The following SLC25A21 variants were observed in gnomAD, a reference collection of about 807,000 sequenced individuals.
The protein encoded by SLC25A21 is mitochondrial 2-oxodicarboxylate carrier.
In SLC25A21, 47 loss-of-function variants were observed where a neutral mutation model predicts 43.8. That is an observed-to-expected ratio of 1.07 (90% CI 0.85 to 1.37). SLC25A21 has a LOEUF of 1.37. Among genes scored for constraint, SLC25A21 ranks in the 40% most tolerant of loss-of-function variants. SLC25A21 has a pLI of 0.00. For missense variants in SLC25A21, 352 were observed against 350.2 expected (o/e 1.00, Z -0.04); for synonymous variants, 131 against 121.3 (o/e 1.08, Z -0.52).
intron 1 of SLC25A21, among the ~76,000 whole-genome samples, chr14:36,886,942 T>C (rs962044639): frequency 7.9e-5 from 12 of 152,178 alleles, no homozygotes; most frequent in African/African-American, 2.7e-4. Flanking sequence ...AGCTTACTGC[T>C]ATATGTGGGC....
intron 1 of SLC25A21, among the ~76,000 whole-genome samples, chr14:37,120,013 A>G (rs186870682): frequency 2.0e-5 from 3 of 152,312 alleles, no homozygotes; most frequent in Admixed American, 6.5e-5. Flanking sequence ...ATTTCTGTGA[A>G]TCTATCAAAA....
At chr14:36,892,763 T>A (rs572453302) in intron 1 of SLC25A21, among the ~76,000 whole-genome samples, 4 of 151,954 alleles carry the variant, frequency 2.6e-5, no homozygotes, top group Non-Finnish European at 5.9e-5. Flanking sequence ...GTGTTCTCAA[T>A]GTTCAATTCC....
chr14:36,727,037 G>T (rs1477473440), intron 5 of SLC25A21, among the ~76,000 whole-genome samples: 1 of 152,176 alleles, frequency 6.6e-6, no homozygotes, highest in East Asian at 1.9e-4. Context: ...AGCACTTACT[G>T]GCTGTGTGAC....
At chr14:37,134,353 G>C (rs1031570740) in intron 1 of SLC25A21, among the ~76,000 whole-genome samples, 8 of 152,148 alleles carry the variant, frequency 5.3e-5, no homozygotes, top group Non-Finnish European at 1.5e-5. Context: ...AAAATTAAGA[G>C]AGCCTCTAAG....
At chr14:36,685,387 C>A (rs927602105) in intron 7 of SLC25A21, among the ~76,000 whole-genome samples, 1 of 152,184 alleles carries the variant, frequency 6.6e-6, no homozygotes, top group Non-Finnish European at 1.5e-5. Context: ...CAAGGCTACT[C>A]GCGGTCTGCT....
intron 1 of SLC25A21, among the ~76,000 whole-genome samples, chr14:36,951,591 G>C (rs1343066682): frequency 6.6e-6 from 1 of 150,870 alleles, no homozygotes; most frequent in Admixed American, 6.6e-5. Flanking sequence ...TGCAAGGTAT[G>C]CATTTTTTTT....
At chr14:36,748,075 A>G (rs1211053716) in intron 3 of SLC25A21, among the ~76,000 whole-genome samples, 2 of 152,236 alleles carry the variant, frequency 1.3e-5, no homozygotes, top group Admixed American at 1.3e-4. Flanking sequence ...CAACTTTCCT[A>G]GTAGTGAAAC....
chr14:36,730,208 G>T (rs923107425), intron 4 of SLC25A21, among the ~76,000 whole-genome samples: 1 of 152,192 alleles, frequency 6.6e-6, no homozygotes, highest in African/African-American at 2.4e-5. Context: ...TGAAGGTATT[G>T]TTGGTTTCTT....
At position 36,678,486 on chromosome 14, in the gene SLC25A21, T is replaced by G; in HGVS notation, c.*2172A>C. On this transcript the variant is annotated 3_prime_UTR_variant, in exon 10 of 10. Coordinates refer to ENST00000331299, the MANE Select transcript of SLC25A21 (RefSeq NM_030631.4). ...CCATTGACATCTGGAGTTCCCAGTC[T>G]GGTGAGAAAATAGACTATAAACTGA... The G allele has an allele frequency of 1.3e-6, 2 of 1,536,942 alleles. No homozygotes were observed. The highest frequency in any genetic ancestry group is 2.4e-5 in the South Asian group (2 of 84,044).
At chr14:36,867,534 A>G (rs1890246559) in intron 2 of SLC25A21, among the ~76,000 whole-genome samples, 1 of 152,180 alleles carries the variant, frequency 6.6e-6, no homozygotes, top group Non-Finnish European at 1.5e-5. Context: ...CAGCAGGAAC[A>G]CAGACACTAA....
intron 1 of SLC25A21, among the ~76,000 whole-genome samples, chr14:37,124,880 G>A (rs1008178228): frequency 1.3e-5 from 2 of 152,190 alleles, no homozygotes; most frequent in African/African-American, 2.4e-5. Flanking sequence ...GAAGATGCCT[G>A]CTCCTGCTTT....
chr14:36,743,775 T>C (rs1594544691), intron 3 of SLC25A21, among the ~76,000 whole-genome samples: 1 of 152,252 alleles, frequency 6.6e-6, no homozygotes, highest in South Asian at 2.1e-4. Flanking sequence ...CTCTCACTGA[T>C]AAAGTGATTT....
intron 1 of SLC25A21, among the ~76,000 whole-genome samples, chr14:37,056,124 T>C (rs1265720558): frequency 6.6e-6 from 1 of 152,166 alleles, no homozygotes; most frequent in African/African-American, 2.4e-5. Context: ...TCTGCCATGA[T>C]TGTAAGTTTC....
chr14:36,983,170 A>T (rs999472658), intron 1 of SLC25A21, among the ~76,000 whole-genome samples: 1 of 152,192 alleles, frequency 6.6e-6, no homozygotes, highest in African/African-American at 2.4e-5. Flanking sequence ...CTGAAACATG[A>T]TATAAAGATG....
intron 7 of SLC25A21, among the ~76,000 whole-genome samples, chr14:36,704,822 G>T (rs1304692912): frequency 1.3e-5 from 2 of 152,108 alleles, no homozygotes; most frequent in African/African-American, 2.4e-5. Flanking sequence ...ACTCATCTCT[G>T]GGCCGTAACT....
intron 1 of SLC25A21, among the ~76,000 whole-genome samples, chr14:37,076,947 T>C (rs1962293621): frequency 6.6e-6 from 1 of 152,072 alleles, no homozygotes; most frequent in Non-Finnish European, 1.5e-5. Flanking sequence ...TAAAATAAAG[T>C]CTCCATAAAA....
chr14:36,810,522 A>T (rs552725611), intron 3 of SLC25A21, among the ~76,000 whole-genome samples: 1 of 152,192 alleles, frequency 6.6e-6, no homozygotes, highest in African/African-American at 2.4e-5. Context: ...GCATTTAGGT[A>T]CCACATCACC....
intron 3 of SLC25A21, among the ~76,000 whole-genome samples, chr14:36,767,164 C>T (rs1594569187): frequency 6.6e-6 from 1 of 152,184 alleles, no homozygotes; most frequent in Non-Finnish European, 1.5e-5. Flanking sequence ...AGACTTAAAA[C>T]TCCTAGATCA....
At position 36,817,459 on chromosome 14, in the gene SLC25A21, A is replaced by G. The variant is rs909191880; in HGVS notation, c.120-3458T>C. On this transcript the variant is annotated intron_variant, in intron 2 of 9. Transcript: ENST00000331299. ...GGAAAGCTGTCCTTTCTAATGGGGA[A>G]GCGAACACCACAGCCGCCTACCCCG... Among the ~76,000 whole-genome samples the G allele has an allele frequency of 5.3e-5, 8 of 152,252 alleles. No individual in the cohort carries two copies. In the South Asian group the frequency reaches 1.7e-3, roughly 32 times the overall value.
Sources: gnomAD v4.1 joint callset for allele counts (sites outside exome capture counted in the v4.1 genomes callset) on GRCh38, gnomAD v4.1.1 for gene constraint, MANE v1.5 for transcripts, NCBI Gene and HGNC (gene_info 2026-07-23, HGNC 2026-07-21) for gene names.